RYR2: variants seen among roughly 807,000 people sequenced by gnomAD.
RYR2 encodes the protein ryanodine receptor 2.
Under a neutral mutation model 601.1 loss-of-function variants are expected in RYR2, and 227 were observed. That is an observed-to-expected ratio of 0.38 (90% CI 0.34 to 0.42). The LOEUF is 0.42. RYR2 is among the 10% of genes least tolerant of loss of function. The probability of loss-of-function intolerance (pLI) is 1.00; values close to 1 mark genes in which losing one functional copy is unlikely to be tolerated. For synonymous variants in RYR2, 2,223 were observed against 2,175.1 expected, an observed-to-expected ratio of 1.02 and a Z score of -0.61; for missense variants, 4,646 against 6,156.5, an observed-to-expected ratio of 0.75 and a Z score of 8.21.
chr1:237,669,100 A>G (rs1472252899), intron 58 of RYR2, among the ~76,000 whole-genome samples: 2 of 147,038 alleles, frequency 1.4e-5, no homozygotes, highest in Admixed American at 1.4e-4. Flanking sequence ...GCTGCCTTCA[A>G]GCATCTGTTT....
At chr1:237,147,448 A>G (rs1186764085) in intron 1 of RYR2, among the ~76,000 whole-genome samples, 3 of 152,182 alleles carry the variant, frequency 2.0e-5, no homozygotes, top group Non-Finnish European at 4.4e-5. Context: ...TGCTTTGTGT[A>G]TTCTTTTTTC....
At chr1:237,432,541 G>A (rs916111818) in intron 12 of RYR2, among the ~76,000 whole-genome samples, 2 of 152,070 alleles carry the variant, frequency 1.3e-5, no homozygotes, top group African/African-American at 2.4e-5. Flanking sequence ...CATTTTTTAT[G>A]CCCACTTCCA....
At chr1:237,719,263 C>A (rs1174518091) in intron 73 of RYR2, among the ~76,000 whole-genome samples, 1 of 152,090 alleles carries the variant, frequency 6.6e-6, no homozygotes, top group Non-Finnish European at 1.5e-5. Flanking sequence ...TCTCAAAAAA[C>A]ACAAAATTTA....
intron 48 of RYR2, among the ~76,000 whole-genome samples, chr1:237,644,418 G>A (rs1447037870): frequency 6.6e-6 from 1 of 151,770 alleles, no homozygotes; most frequent in Non-Finnish European, 1.5e-5. Context: ...ATTTTTTGTA[G>A]AGACAGGGTT....
At chr1:237,519,620 C>G (rs1217106804) in intron 24 of RYR2, among the ~76,000 whole-genome samples, 2 of 152,144 alleles carry the variant, frequency 1.3e-5, no homozygotes, top group African/African-American at 4.8e-5. Context: ...TCTGGGTTCT[C>G]TATTCTGTTC....
intron 3 of RYR2, among the ~76,000 whole-genome samples, chr1:237,338,112 A>G (rs1437204742): frequency 6.6e-6 from 1 of 152,138 alleles, no homozygotes; most frequent in Admixed American, 6.6e-5. Context: ...TAGGATGTGG[A>G]TGGTTCCGGT....
intron 1 of RYR2, among the ~76,000 whole-genome samples, chr1:237,240,785 G>A (rs1338304350): frequency 2.0e-5 from 3 of 150,648 alleles, no homozygotes; most frequent in East Asian, 3.9e-4. Context: ...GATTTCATGT[G>A]AAAGGTACTT....
At chr1:237,774,092 T>C (rs1213706892) in intron 87 of RYR2, among the ~76,000 whole-genome samples, 1 of 152,228 alleles carries the variant, frequency 6.6e-6, no homozygotes, top group East Asian at 1.9e-4. Context: ...TATTCTTTTC[T>C]TTTTTACATC....
Position 237,454,521 on chromosome 1 carries a change from A to C in RYR2, c.1423A>C (p.Lys475Gln), listed in dbSNP as rs765389300. 9 of 1,613,428 alleles carry C rather than the reference A, an allele frequency of 5.6e-6. No individual in the cohort carries two copies. In the Admixed American group the frequency reaches 1.2e-4, roughly 21 times the overall value. The change falls in exon 15 of 105, where the codon AAA becomes CAA. Residue 475 changes from lysine (K) to glutamine (Q), a missense_variant. By Grantham distance (53) the Lys-to-Gln change is moderately conservative. Transcript: ENST00000366574. ...PPDEHLEHED[K>Q]QNRLRALKNR... Reference sequence around the variant, plus strand: ...AGATGAGCATTTAGAGCATGAAGACAAACAGAACAGACTACGAGCCCTGAA... The same window carrying C: ...AGATGAGCATTTAGAGCATGAAGACCAACAGAACAGACTACGAGCCCTGAA...
At chr1:237,470,942 G>A (rs961554888) in intron 17 of RYR2, among the ~76,000 whole-genome samples, 6 of 152,202 alleles carry the variant, frequency 3.9e-5, no homozygotes, top group Non-Finnish European at 7.4e-5. Flanking sequence ...GAGAGATCAC[G>A]ATTGAGAAAT....
Position 237,146,613 on chromosome 1 carries a change from A to T in RYR2, c.48+104044A>T, listed in dbSNP as rs1674031387. On this transcript the variant is annotated intron_variant, in intron 1 of 104. Transcript: ENST00000366574. ...TCAATTGTGACAATGTAAACCTTTT[A>T]AAAATGCATTTTTTCACCAGTTTCT... Among the ~76,000 whole-genome samples, 3 of 152,290 alleles carry T rather than the reference A, an allele frequency of 2.0e-5. No individual in the cohort carries two copies. In the South Asian group the frequency reaches 6.2e-4, roughly 32 times the overall value.
intron 61 of RYR2, among the ~76,000 whole-genome samples, chr1:237,678,721 T>A (rs570448193): frequency 9.8e-5 from 15 of 152,348 alleles, no homozygotes; most frequent in African/African-American, 3.4e-4. Context: ...CCGAATGATT[T>A]AATGCATTTA....
chr1:237,783,919 T>G lies in RYR2; in HGVS notation c.12207T>G (p.Cys4069Trp). 6.2e-7 allele frequency: 1 copy of G among 1,613,490 alleles called. No homozygotes were observed. ...TQSETEFLLS[C>W]AETDENETLD... The stretch of plus-strand genomic sequence containing the variant: ...CAGAAACGGAATTTCTTTTGTCTTG[T>G]GCGGAGACGGATGAGAATGAAACCC... Residue 4069 changes from cysteine (C) to tryptophan (W), a missense_variant, in exon 90 of 105, where the codon TGT (cysteine) becomes TGG (tryptophan). Physicochemically the swap from Cys to Trp is radical, Grantham distance 215. Transcript: ENST00000366574.
At chr1:237,616,724 G>A (rs867211110) in intron 37 of RYR2, among the ~76,000 whole-genome samples, 16 of 152,098 alleles carry the variant, frequency 1.1e-4, no homozygotes, top group African/African-American at 1.9e-4. Context: ...GTATTAGTTC[G>A]TTCTCACACT....
chr1:237,308,654 C>T (rs1388700483), intron 2 of RYR2, among the ~76,000 whole-genome samples: 1 of 152,140 alleles, frequency 6.6e-6, no homozygotes, highest in African/African-American at 2.4e-5. Context: ...TTGCTGGCCT[C>T]ATGAATAAAG....
chr1:237,096,617 G>T (rs150289550), intron 1 of RYR2, among the ~76,000 whole-genome samples: 31 of 152,194 alleles, frequency 2.0e-4, no homozygotes, highest in African/African-American at 6.5e-4. Flanking sequence ...CCATAGTAAT[G>T]GTATCTGGAA....
In RYR2 at chr1:237,383,452, C is replaced by G. The variant is rs568776005; in HGVS notation, c.577-3829C>G. Reference sequence around the variant, plus strand: ...TTTTTTTTTTTTTTTTTTTTTGAGACAGAGTCTTGCTCTGTCGCCTAGGCT... The same window carrying G: ...TTTTTTTTTTTTTTTTTTTTTGAGAGAGAGTCTTGCTCTGTCGCCTAGGCT... On this transcript the variant is annotated intron_variant, in intron 8 of 104. Transcript: ENST00000366574. Among the ~76,000 whole-genome samples, 9 of 78,034 alleles carry G rather than the reference C, an allele frequency of 1.2e-4. No homozygotes were observed. In the South Asian group the frequency reaches 3.8e-3, roughly 33 times the overall value. 51.2% of individuals were successfully genotyped at this position (78,034 alleles called of 152,430 possible). A position where few individuals can be genotyped will look rare whatever the true frequency, so the allele number is the denominator to read the frequency against.
intron 91 of RYR2, 31 bp from the exon 92 acceptor site, chr1:237,787,957 G>T: frequency 6.4e-7 from 1 of 1,562,518 alleles, no homozygotes; most frequent in South Asian, 1.2e-5. Flanking sequence ...AGTTTCTGGA[G>T]AGCTTATGTT....
At chr1:237,584,333 A>T (rs894719157) in intron 29 of RYR2, among the ~76,000 whole-genome samples, 1 of 152,210 alleles carries the variant, frequency 6.6e-6, no homozygotes, top group African/African-American at 2.4e-5. Context: ...TGTTCAATTT[A>T]TGCCAAACAT....
Sources: allele counts gnomAD v4.1 joint callset (sites outside exome capture counted in the v4.1 genomes callset), GRCh38; gene constraint gnomAD v4.1.1; transcripts MANE v1.5; gene names NCBI Gene and HGNC (gene_info 2026-07-23, HGNC 2026-07-21).